The following KCNQ1 variants were observed in gnomAD, a reference collection of about 807,000 sequenced individuals.
The protein encoded by KCNQ1 is potassium voltage-gated channel subfamily Q member 1, also known as potassium voltage-gated channel subfamily KQT member 1.
In KCNQ1, 49 loss-of-function variants were observed where a neutral mutation model predicts 72.4. The ratio of observed to expected loss-of-function variants is 0.68; its 90% confidence interval spans 0.54 to 0.86. The LOEUF (loss-of-function observed/expected upper bound fraction) is 0.86. Ranked by LOEUF, KCNQ1 falls within the 40% of genes least tolerant of loss-of-function variation. The pLI, the probability that KCNQ1 is intolerant of heterozygous loss-of-function variation, is 0.00. For synonymous variants in KCNQ1, 450 were observed against 412.6 expected (o/e 1.09, Z -1.10); for missense variants, 790 against 945.1 (o/e 0.84, Z 2.15).
chr11:2,607,142 A>C (rs1848894235), intron 10 of KCNQ1, among the ~76,000 whole-genome samples: 1 of 151,866 alleles, frequency 6.6e-6, no homozygotes, highest in Non-Finnish European at 1.5e-5. Flanking sequence ...TGACCTCGTG[A>C]TCCACCCGCC....
chr11:2,835,097 G>T (rs537936586), intron 15 of KCNQ1, among the ~76,000 whole-genome samples: 1 of 152,168 alleles, frequency 6.6e-6, no homozygotes, highest in Non-Finnish European at 1.5e-5. Flanking sequence ...GGGGCTGGGG[G>T]CTGCCCGCCC....
rs528546580 is a variant in KCNQ1, at chr11:2,762,332, C to T, written c.1515-6512C>T. The stretch of plus-strand genomic sequence containing the variant: ...TATTATCCAACTTTCTTCGACAGGC[C>T]CGATTGCCTCATAGTTAGGCCTGTG... On this transcript the variant is annotated intron_variant, in intron 11 of 15. Coordinates refer to ENST00000155840, the MANE Select transcript of KCNQ1 (RefSeq NM_000218.3). This position sits in a 1 kb window ranked among gnomAD's most constrained non-coding sequence, Gnocchi z 4.3. Among the ~76,000 whole-genome samples, 1 of 152,184 alleles carries T rather than the reference C, an allele frequency of 6.6e-6. No homozygotes were observed. The highest frequency in any genetic ancestry group is 1.5e-5 in the Non-Finnish European group (1 of 68,036).
At position 2,598,888 on chromosome 11, in the gene KCNQ1, A is replaced by G. The variant is rs780714111; in HGVS notation, c.1393+10034A>G. Among the ~76,000 whole-genome samples the G allele has an allele frequency of 9.9e-5, 15 of 152,196 alleles. No homozygotes were observed. The highest frequency in any genetic ancestry group is 1.9e-4 in the Non-Finnish European group (13 of 68,040). ...CTCCTGTGTTGACTGAGTGAGTTAG[A>G]ACATGTAAGTGCTCACCCAGGACCC... On this transcript the variant is annotated intron_variant, in intron 10 of 15. Transcript: ENST00000155840. This position sits in a 1 kb window ranked among gnomAD's most constrained non-coding sequence, Gnocchi z 6.2.
chr11:2,638,715 T>G (rs1393276510), intron 10 of KCNQ1: 2 of 152,186 alleles, frequency 1.3e-5, no homozygotes, highest in African/African-American at 4.8e-5. Flanking sequence ...AATTTGAATG[T>G]TGGCCTGCCT....
At chr11:2,732,721 G>A (rs1191104818) in intron 11 of KCNQ1, among the ~76,000 whole-genome samples, 3 of 152,206 alleles carry the variant, frequency 2.0e-5, no homozygotes, top group Non-Finnish European at 4.4e-5. Context: ...CCGGGCCGGC[G>A]CACACAGCTC....
rs1462285903 is a variant in KCNQ1, at chr11:2,445,417, C to T, written c.319C>T (p.Gln107Ter). The change falls in exon 1 of 16, where the codon CAG (glutamine) becomes TAG (stop). Residue 107 changes from glutamine to a stop codon, truncating the protein, a stop_gained. Coordinates refer to ENST00000155840, the MANE Select transcript of KCNQ1 (RefSeq NM_000218.3). LOFTEE classifies it high-confidence loss of function. ...RRPVLARTHV[Q>*]GRVYNFLERP... ...CCCGGTGTTGGCGCGCACCCACGTC[C>T]AGGGCCGCGTCTACAACTTCCTCGA... is the stretch of plus-strand genomic sequence containing the variant. The T allele has an allele frequency of 1.3e-6, 2 of 1,597,940 alleles. No individual in the cohort carries two copies. Among genetic ancestry groups the T allele is most frequent in the South Asian group, 2.2e-5 (2 of 90,990 alleles).
At chr11:2,628,965 T>C (rs961087279) in intron 10 of KCNQ1, 8 of 398,312 alleles carry the variant, frequency 2.0e-5, no homozygotes, top group Non-Finnish European at 3.1e-5. Context: ...TTCTGTTCCA[T>C]TGGTTTATTT....
At position 2,803,280 on chromosome 11, in the gene KCNQ1, T is replaced by A. The variant is rs1847309016; in HGVS notation, c.1794+25243T>A. Among the ~76,000 whole-genome samples, 1 of 151,914 alleles carries A rather than the reference T, an allele frequency of 6.6e-6. No homozygotes were observed. Among genetic ancestry groups the A allele is most frequent in the Non-Finnish European group, 1.5e-5 (1 of 67,968 alleles). ...GGACTCGCCCCTAGTCAGGAAAAAA[T>A]AGGGCCCCGGAGTCAGCAAGGGCTT... On this transcript the variant is annotated intron_variant, in intron 15 of 15. Coordinates refer to ENST00000155840, the MANE Select transcript of KCNQ1 (RefSeq NM_000218.3). The surrounding 1 kb of genome is among the most constrained non-coding windows in gnomAD (Gnocchi z 6.4).
chr11:2,572,248 G>A, intron 5 of KCNQ1, 139 bp downstream of exon 5: 1 of 646,696 alleles, frequency 1.5e-6, no homozygotes, highest in Non-Finnish European at 2.7e-6. Context: ...TACCTGAACG[G>A]GGCCCAGGAT....
chr11:2,811,400 G>A (rs543311134), intron 15 of KCNQ1, among the ~76,000 whole-genome samples: 46 of 152,384 alleles, frequency 3.0e-4, no homozygotes, highest in African/African-American at 1.0e-3. Context: ...TCCTGAGCCA[G>A]TGTCTGGGTC....
intron 12 of KCNQ1, among the ~76,000 whole-genome samples, chr11:2,775,621 C>G (rs1039409870): frequency 1.3e-5 from 2 of 152,158 alleles, no homozygotes; most frequent in Non-Finnish European, 2.9e-5. Context: ...CTTGGGGGGG[C>G]CAGCTCTTCC....
chr11:2,474,401 C>T (rs967710752), intron 1 of KCNQ1, among the ~76,000 whole-genome samples: 3 of 152,166 alleles, frequency 2.0e-5, no homozygotes, highest in Non-Finnish European at 4.4e-5. Context: ...CTGCAGTGGG[C>T]ACCCGAGCCC....
At chr11:2,530,420 AG>A (rs959282258) in intron 2 of KCNQ1, among the ~76,000 whole-genome samples, 1 of 152,218 alleles carries the variant, frequency 6.6e-6, no homozygotes, top group African/African-American at 2.4e-5. Flanking sequence ...TTGTCCCTGG[AG>A]GGCCTGGGGC....
In KCNQ1 at chr11:2,653,851, C is replaced by T. The variant is rs766820751; in HGVS notation, c.1394-8110C>T. On this transcript the variant is annotated intron_variant, in intron 10 of 15. Coordinates refer to ENST00000155840, the MANE Select transcript of KCNQ1 (RefSeq NM_000218.3). The surrounding 1 kb of genome is among the most constrained non-coding windows in gnomAD (Gnocchi z 5.3). ...CCCTTTGGGGATGGCCAGAGGGTACCTAAACACTGCACACTAGGAGTGGGA... is the reference window on the plus strand; with the variant it reads ...CCCTTTGGGGATGGCCAGAGGGTACTTAAACACTGCACACTAGGAGTGGGA... 4.9e-4 allele frequency: 194 copies of T among 398,524 alleles called. No homozygotes were observed. The highest frequency in any genetic ancestry group is 7.4e-4 in the Non-Finnish European group (168 of 226,090). 24.7% of individuals were successfully genotyped at this position (398,524 alleles called of 1,614,324 possible).
Position 2,816,383 on chromosome 11 carries a change from C to T in KCNQ1, c.1795-31384C>T, listed in dbSNP as rs200090281. Among the ~76,000 whole-genome samples the T allele has an allele frequency of 1.4e-4, 22 of 152,314 alleles. No individual in the cohort carries two copies. The East Asian group carries it at 4.3e-3, about 29-fold the overall frequency. On this transcript the variant is annotated intron_variant, in intron 15 of 15. Coordinates refer to ENST00000155840, the MANE Select transcript of KCNQ1 (RefSeq NM_000218.3). The surrounding 1 kb of genome is among the most constrained non-coding windows in gnomAD (Gnocchi z 6.8). The stretch of plus-strand genomic sequence containing the variant: ...TTCAAGAGCCTTTTGTGAAAATGGT[C>T]AGGCTGCTGAAAGTGAGACCACACT...
rs1849559407 is a variant in KCNQ1, at chr11:2,640,645, G to C, written c.1394-21316G>C. The C allele has an allele frequency of 7.5e-6, 3 of 397,736 alleles. No homozygotes were observed. The South Asian group carries it at 3.8e-4, about 51-fold the overall frequency. The allele number at this position is 397,736 out of a possible 1,614,324, so 24.6% of individuals were successfully genotyped here. On this transcript the variant is annotated intron_variant, in intron 10 of 15. Coordinates refer to ENST00000155840, the MANE Select transcript of KCNQ1 (RefSeq NM_000218.3). Reference sequence around the variant, plus strand: ...CATGCATCGAATGTGTAATGATCAAGTCAGGGTATCCATCACCCTCAATTT... The same window carrying C: ...CATGCATCGAATGTGTAATGATCAACTCAGGGTATCCATCACCCTCAATTT...
chr11:2,718,414 A>G (rs1343690371), intron 11 of KCNQ1, among the ~76,000 whole-genome samples: 1 of 152,178 alleles, frequency 6.6e-6, no homozygotes, highest in Non-Finnish European at 1.5e-5. Flanking sequence ...TGATCCCCGC[A>G]GCACCAGCCC....
chr11:2,601,741 C>G lies in KCNQ1; in HGVS notation c.1393+12887C>G, dbSNP rs557158050. 1.3e-5 allele frequency among the ~76,000 whole-genome samples: 2 copies of G among 152,272 alleles called. No homozygotes were observed. The highest frequency in any genetic ancestry group is 4.1e-4 in the South Asian group (2 of 4,830). ...GATTCATTCCGGTTGTTTTGTATCG[C>G]GACAGTTCATTAAATCATAGTGCTG... On this transcript the variant is annotated intron_variant, in intron 10 of 15. Coordinates refer to ENST00000155840, the MANE Select transcript of KCNQ1 (RefSeq NM_000218.3). The surrounding 1 kb of genome is among the most constrained non-coding windows in gnomAD (Gnocchi z 5.2).
chr11:2,489,032 C>A (rs1170424203), intron 1 of KCNQ1, among the ~76,000 whole-genome samples: 1 of 152,098 alleles, frequency 6.6e-6, no homozygotes, highest in Non-Finnish European at 1.5e-5. Flanking sequence ...TCCTCCCCAA[C>A]AGGAACACCA....
Sources: gnomAD v4.1 joint callset for allele counts (sites outside exome capture counted in the v4.1 genomes callset) on GRCh38, gnomAD v4.1.1 for gene constraint, Gnocchi (gnomAD v3.1) non-coding constraint, MANE v1.5 for transcripts, NCBI Gene and HGNC (gene_info 2026-07-23, HGNC 2026-07-21) for gene names.